The following SNTG1 variants were observed in gnomAD, a reference collection of about 807,000 sequenced individuals.
The protein encoded by SNTG1 is syntrophin gamma 1, also known as gamma-1-syntrophin.
In SNTG1, 39 loss-of-function variants were observed where a neutral mutation model predicts 74.7. The ratio of observed to expected loss-of-function variants is 0.52; its 90% confidence interval spans 0.40 to 0.68. The LOEUF is 0.68. SNTG1 is among the 30% of genes least tolerant of loss of function. The pLI, the probability that SNTG1 is intolerant of heterozygous loss-of-function variation, is 0.00. For missense variants in SNTG1, 685 were observed against 609.5 expected (o/e 1.12, Z -1.30); for synonymous variants, 254 against 217.1 (o/e 1.17, Z -1.49).
intron 9 of SNTG1, among the ~76,000 whole-genome samples, chr8:50,505,012 C>A (rs1774737779): frequency 6.6e-6 from 1 of 152,140 alleles, no homozygotes; most frequent in Admixed American, 6.6e-5. Context: ...GACCCACCCA[C>A]TGGCAAACAC....
At chr8:50,600,965 T>C (rs2094769207) in intron 13 of SNTG1, among the ~76,000 whole-genome samples, 1 of 151,364 alleles carries the variant, frequency 6.6e-6, no homozygotes, top group African/African-American at 2.4e-5. Context: ...GTCAAGAGAT[T>C]GAGACCATCC....
intron 15 of SNTG1, among the ~76,000 whole-genome samples, chr8:50,700,472 TC>T (rs1185524491): frequency 6.6e-6 from 1 of 152,158 alleles, no homozygotes; most frequent in Non-Finnish European, 1.5e-5. Flanking sequence ...AAGTTTCTCC[TC>T]CTCCCACCCA....
At chr8:50,768,736 G>A (rs2095619796) in intron 18 of SNTG1, among the ~76,000 whole-genome samples, 1 of 152,032 alleles carries the variant, frequency 6.6e-6, no homozygotes, top group African/African-American at 2.4e-5. Flanking sequence ...AAGACAAAAT[G>A]AGGATGAGGC....
intron 1 of SNTG1, among the ~76,000 whole-genome samples, chr8:50,050,984 G>A (rs1819520265): frequency 6.6e-6 from 1 of 151,810 alleles, no homozygotes; most frequent in Non-Finnish European, 1.5e-5. Context: ...AAAAGTAGAA[G>A]AGAAATTCTT....
intron 11 of SNTG1, among the ~76,000 whole-genome samples, chr8:50,548,172 A>G (rs927828902): frequency 5.9e-5 from 9 of 152,192 alleles, no homozygotes; most frequent in African/African-American, 1.7e-4. Context: ...CATTTAGTTA[A>G]ACTGGATTTA....
chr8:49,979,202 G>A (rs997440245), intron 1 of SNTG1, among the ~76,000 whole-genome samples: 1 of 152,234 alleles, frequency 6.6e-6, no homozygotes, highest in African/African-American at 2.4e-5. Flanking sequence ...ATGGCGAGAC[G>A]CAGACGCCTT....
At chr8:49,926,763 A>G (rs1807064663) in intron 1 of SNTG1, among the ~76,000 whole-genome samples, 1 of 152,124 alleles carries the variant, frequency 6.6e-6, no homozygotes, top group South Asian at 2.1e-4. Flanking sequence ...AATTAAAAAT[A>G]TCTCCTCTGT....
At chr8:50,677,569 A>G (rs142451537) in intron 15 of SNTG1, among the ~76,000 whole-genome samples, 1,558 of 152,104 alleles carry the variant, frequency 0.01, 18 homozygotes, top group Non-Finnish European at 0.012. Flanking sequence ...ACCTTTCTAG[A>G]CTTAATTTGT....
At chr8:50,233,205 A>T (rs1256322783) in intron 2 of SNTG1, among the ~76,000 whole-genome samples, 1 of 151,662 alleles carries the variant, frequency 6.6e-6, no homozygotes, top group Non-Finnish European at 1.5e-5. Context: ...CAGCAGAGGG[A>T]TAGATACATA....
At chr8:50,281,500 C>T (rs1024741198) in intron 2 of SNTG1, among the ~76,000 whole-genome samples, 5 of 152,174 alleles carry the variant, frequency 3.3e-5, no homozygotes, top group Non-Finnish European at 7.3e-5. Flanking sequence ...TCACCTTCAG[C>T]TTGCAGGGCT....
intron 13 of SNTG1, among the ~76,000 whole-genome samples, chr8:50,616,223 G>C (rs1475363062): frequency 1.3e-5 from 2 of 152,202 alleles, no homozygotes; most frequent in African/African-American, 4.8e-5. Flanking sequence ...AAAATTAACT[G>C]TTACAGTAAG....
chr8:50,756,974 A>G (rs2095582144), intron 18 of SNTG1, among the ~76,000 whole-genome samples: 1 of 151,660 alleles, frequency 6.6e-6, no homozygotes, highest in Admixed American at 6.6e-5. Flanking sequence ...TAGAATTTTT[A>G]TGTATTTAAT....
intron 1 of SNTG1, among the ~76,000 whole-genome samples, chr8:50,009,805 C>T (rs1815594145): frequency 6.6e-6 from 1 of 152,130 alleles, no homozygotes; most frequent in Admixed American, 6.6e-5. Flanking sequence ...TGAGACCAGC[C>T]TGGGAAACAT....
At chr8:50,131,705 A>G (rs1023556965) in intron 1 of SNTG1, among the ~76,000 whole-genome samples, 1 of 152,134 alleles carries the variant, frequency 6.6e-6, no homozygotes, top group Admixed American at 6.6e-5. Flanking sequence ...ATATACTCAG[A>G]AGTGGGATTG....
intron 2 of SNTG1, among the ~76,000 whole-genome samples, chr8:50,259,511 AG>A (rs776195045): frequency 0.86 from 82,475 of 96,246 alleles, 37,937 homozygotes; most frequent in East Asian, 0.98. Flanking sequence ...AAAAAAAAAA[AG>A]AAAGAAAGAA....
chr8:50,125,239 A>T (rs1011715910), intron 1 of SNTG1, among the ~76,000 whole-genome samples: 3 of 142,592 alleles, frequency 2.1e-5, no homozygotes, highest in Non-Finnish European at 4.7e-5. Context: ...TAAATGTGAA[A>T]TTAAATCCCA....
At chr8:50,345,822 C>CT (rs2091456674) in intron 2 of SNTG1, among the ~76,000 whole-genome samples, 1 of 152,128 alleles carries the variant, frequency 6.6e-6, no homozygotes, top group Non-Finnish European at 1.5e-5. Context: ...TCCAAGTATT[C>CT]TTTTTGGTTA....
At chr8:50,645,307 T>C (rs551142664) in intron 13 of SNTG1, among the ~76,000 whole-genome samples, 1 of 152,092 alleles carries the variant, frequency 6.6e-6, no homozygotes, top group Non-Finnish European at 1.5e-5. Flanking sequence ...AGTTTTTCTA[T>C]TTTTTATTTG....
At chr8:49,938,564 TTTC>T (rs1489018458) in intron 1 of SNTG1, among the ~76,000 whole-genome samples, 3 of 28,472 alleles carry the variant, frequency 1.1e-4, no homozygotes, top group African/African-American at 3.1e-4. Flanking sequence ...TTTGTTTTCT[TTTC>T]TTTTCTTTTC....
Sources: allele counts gnomAD v4.1 joint callset (sites outside exome capture counted in the v4.1 genomes callset), GRCh38; gene constraint gnomAD v4.1.1; transcripts MANE v1.5; gene names NCBI Gene and HGNC (gene_info 2026-07-23, HGNC 2026-07-21).